CD6: variants seen among roughly 807,000 people sequenced by gnomAD.
CD6 encodes the protein T-cell differentiation antigen CD6.
CD6 carries 53 observed loss-of-function variants against 75.3 expected under a neutral mutation model. The ratio of observed to expected loss-of-function variants is 0.70; its 90% CI spans 0.56 to 0.88. The LOEUF is 0.88. CD6 is among the 40% of genes least tolerant of loss of function. The probability of loss-of-function intolerance (pLI) is 0.00; values close to 1 mark genes in which losing one functional copy is unlikely to be tolerated. For missense variants in CD6, 770 were observed against 897.1 expected, an observed-to-expected ratio of 0.86 and a Z score of 1.81; for synonymous variants, 359 against 381.5, an observed-to-expected ratio of 0.94 and a Z score of 0.69.
At chr11:60,980,938 G>A (rs1857539693) in intron 1 of CD6, among the ~76,000 whole-genome samples, 1 of 152,176 alleles carries the variant, frequency 6.6e-6, no homozygotes, top group Non-Finnish European at 1.5e-5. Flanking sequence ...GGGAGGTGCT[G>A]ACCAGCCAGT....
At chr11:61,014,042 G>T (rs752631879) in intron 8 of CD6, 28 bp downstream of exon 8, 1 of 1,534,790 alleles carries the variant, frequency 6.5e-7, no homozygotes, top group Non-Finnish European at 9.0e-7. Flanking sequence ...CTGGGTGTGG[G>T]AGGGCTGGGG....
intron 6 of CD6, among the ~76,000 whole-genome samples, chr11:61,012,027 G>A (rs1859174720): frequency 1.3e-5 from 2 of 152,308 alleles, no homozygotes; most frequent in Admixed American, 1.3e-4. Context: ...GAGCCCCTTT[G>A]CAGTCCTGGG....
At chr11:60,989,916 C>T (rs1302879242) in intron 1 of CD6, among the ~76,000 whole-genome samples, 6 of 152,158 alleles carry the variant, frequency 3.9e-5, no homozygotes, top group Non-Finnish European at 8.8e-5. Flanking sequence ...CTTTCTTACC[C>T]AGAGAAGGGC....
intron 3 of CD6, among the ~76,000 whole-genome samples, chr11:61,008,167 T>A (rs1858963175): frequency 2.0e-5 from 3 of 152,094 alleles, no homozygotes; most frequent in African/African-American, 7.2e-5. Context: ...TTCCCAAAGC[T>A]AACCCGGTCT....
chr11:61,004,605 CA>C (rs1390976461), intron 1 of CD6: 2 of 152,350 alleles, frequency 1.3e-5, no homozygotes, highest in African/African-American at 2.4e-5. Flanking sequence ...AGCTCAGGCT[CA>C]GGGGGTATGT....
In CD6 at chr11:61,003,695, C is replaced by T. The variant is rs142716370; in HGVS notation, c.50-2879C>T. 9.2e-4 allele frequency among the ~76,000 whole-genome samples: 140 copies of T among 152,342 alleles called. 2 individuals are homozygous for T. Among genetic ancestry groups the T allele is most frequent in the African/African-American group, 3.2e-3 (131 of 41,584 alleles). ...GTTGCAGTGAGCCGAGATTGTGCCA[C>T]TGCACTCCAGCCTGGGCGACAGAGC... On this transcript the variant is annotated intron_variant, in intron 1 of 12. Transcript: ENST00000313421.
chr11:60,978,030 C>G (rs1413765272), intron 1 of CD6, among the ~76,000 whole-genome samples: 1 of 152,126 alleles, frequency 6.6e-6, no homozygotes, highest in Non-Finnish European at 1.5e-5. Context: ...AAAGACTAAC[C>G]CCATGGGAGA....
At chr11:60,994,250 G>A in intron 1 of CD6, among the ~76,000 whole-genome samples, 1 of 151,992 alleles carries the variant, frequency 6.6e-6, no homozygotes, top group East Asian at 1.9e-4. Context: ...CGACCAGCCT[G>A]GGCAACACGG....
In CD6 at chr11:61,018,314, C is replaced by T. The variant is rs750471300; in HGVS notation, c.1863C>T (p.Ser621=). Residue 621 remains serine (S), a synonymous_variant, in exon 12 of 13, where the codon TCC becomes TCT. Coordinates refer to ENST00000313421, the MANE Select transcript of CD6 (RefSeq NM_006725.5). ...CAGGGCCCCCGGCTGATGACAGCTC[C>T]AGCACCTCATCCGGGGAGTGGTACC... ...FSAGPPADDS[S]STSSGEWYQN... 11 of 1,607,394 alleles carry T rather than the reference C, an allele frequency of 6.8e-6. No homozygotes were observed. Among genetic ancestry groups the T allele is most frequent in the Non-Finnish European group, 8.5e-6 (10 of 1,177,290 alleles).
At chr11:61,011,232 G>A in intron 6 of CD6, 97 bp downstream of exon 6, 1 of 990,022 alleles carries the variant, frequency 1.0e-6, no homozygotes. Flanking sequence ...TTGGGGTGGA[G>A]GATGGTTTGG....
At chr11:60,989,001 T>C (rs1565146535) in intron 1 of CD6, among the ~76,000 whole-genome samples, 1 of 152,194 alleles carries the variant, frequency 6.6e-6, no homozygotes, top group Non-Finnish European at 1.5e-5. Context: ...TATTCTTGAA[T>C]TTAATACCTT....
Position 61,007,506 on chromosome 11 carries a change from G to T in CD6, c.119-54G>T. 1.5e-6 allele frequency: 2 copies of T among 1,309,482 alleles called. No homozygotes were observed. The highest frequency in any genetic ancestry group is 3.1e-5 in the African/African-American group (2 of 64,050). The allele number at this position is 1,309,482 out of a possible 1,614,324, so 81.1% of individuals were successfully genotyped here. ...GCACAGAGTCAGTGGCAGAGCCTGG[G>T]CAACCCTCTGCCCAGGCCCCACCGG... On this transcript the variant is annotated intron_variant, in intron 2 of 12. Transcript: ENST00000313421. The surrounding 1 kb of genome is among the most constrained non-coding windows in gnomAD (Gnocchi z 4.2).
intron 1 of CD6, among the ~76,000 whole-genome samples, chr11:60,996,281 T>G (rs1305545959): frequency 6.6e-6 from 1 of 152,114 alleles, no homozygotes; most frequent in Non-Finnish European, 1.5e-5. Context: ...CCTTTCCCTA[T>G]CAGAGCAGTG....
At chr11:60,994,295 GC>G (rs1858195178) in intron 1 of CD6, among the ~76,000 whole-genome samples, 1 of 151,682 alleles carries the variant, frequency 6.6e-6, no homozygotes, top group South Asian at 2.1e-4. Flanking sequence ...CAAAAAATTA[GC>G]CAGGCGTGGT....
chr11:60,996,320 C>A (rs1391105992), intron 1 of CD6, among the ~76,000 whole-genome samples: 1 of 152,172 alleles, frequency 6.6e-6, no homozygotes, highest in African/African-American at 2.4e-5. Context: ...TTCCCTTATC[C>A]CCCTGCACTC....
At chr11:60,999,633 T>C (rs1301861482) in intron 1 of CD6, among the ~76,000 whole-genome samples, 1 of 152,046 alleles carries the variant, frequency 6.6e-6, no homozygotes, top group Non-Finnish European at 1.5e-5. Context: ...TTTTGGCAAA[T>C]ATTTTTAATG....
chr11:61,003,606 C>T (rs1344693735), intron 1 of CD6, among the ~76,000 whole-genome samples: 2 of 152,090 alleles, frequency 1.3e-5, no homozygotes, highest in Admixed American at 6.5e-5. Context: ...TCGTGGCAAG[C>T]GCCTGTAGTC....
rs1439341489 is a variant in CD6 at position 61,007,980 on chromosome 11, T to C, written c.469+70T>C. The stretch of plus-strand genomic sequence containing the variant: ...CAGGCCTTCAGCCACTGCCCCTGGC[T>C]CCAGACCCTGGACGCAAGCCTCGCC... On this transcript the variant is annotated intron_variant, in intron 3 of 12. Transcript: ENST00000313421. This position sits in a 1 kb window ranked among gnomAD's most constrained non-coding sequence, Gnocchi z 4.2. The C allele has an allele frequency of 5.7e-6, 6 of 1,058,086 alleles. No individual in the cohort carries two copies. Among genetic ancestry groups the C allele is most frequent in the Non-Finnish European group, 7.4e-6 (6 of 812,766 alleles). 65.5% of individuals were successfully genotyped at this position (1,058,086 alleles called of 1,614,324 possible). A position where few individuals can be genotyped will look rare whatever the true frequency, so the allele number is the denominator to read the frequency against.
rs1167779542 is a variant in CD6 at position 61,015,764 on chromosome 11, C to G, written c.1439C>G (p.Ser480Cys). 3 of 1,614,224 alleles carry G rather than the reference C, an allele frequency of 1.9e-6. No individual in the cohort carries two copies. The highest frequency in any genetic ancestry group is 1.7e-5 in the Admixed American group (1 of 60,028). Residue 480 changes from serine (S) to cysteine (C), a missense_variant, in exon 9 of 13, where the codon TCT (serine) becomes TGT (cysteine). Transcript: ENST00000313421. ...VQAPPPEDSD[S>C]GSDSDYEHYD... is the part of the protein sequence containing the mutation. ...GCCCCGCCCCCTGAGGACTCAGACTCTGGCTCGGACTCAGACTATGAGCAC... is the reference window on the plus strand; with the variant it reads ...GCCCCGCCCCCTGAGGACTCAGACTGTGGCTCGGACTCAGACTATGAGCAC...
Sources: allele counts gnomAD v4.1 joint callset (sites outside exome capture counted in the v4.1 genomes callset), GRCh38; gene constraint gnomAD v4.1.1; non-coding constraint Gnocchi (gnomAD v3.1); transcripts MANE v1.5; gene names NCBI Gene and HGNC (gene_info 2026-07-23, HGNC 2026-07-21).